Variants in IPCEF1 observed in about 807,000 individuals in gnomAD.
IPCEF1 encodes interaction protein for cytohesin exchange factors 1, also known as interactor protein for cytohesin exchange factors 1.
Under a neutral mutation model 50.9 loss-of-function variants are expected in IPCEF1, and 31 were observed. The ratio of observed to expected loss-of-function variants is 0.61; its 90% CI spans 0.46 to 0.82. The LOEUF (loss-of-function observed/expected upper bound fraction) is 0.82, where lower values mean the gene tolerates loss of function less well. Among genes scored for constraint, IPCEF1 ranks in the 40% least tolerant of loss-of-function variants. The pLI, the probability that IPCEF1 is intolerant of heterozygous loss-of-function variation, is 0.00. For missense variants in IPCEF1, 458 were observed against 514.0 expected, an observed-to-expected ratio of 0.89 and a Z score of 1.05; for synonymous variants, 181 against 192.0, an observed-to-expected ratio of 0.94 and a Z score of 0.47.
intron 10 of IPCEF1, among the ~76,000 whole-genome samples, chr6:154,173,233 A>C (rs1800021365): frequency 6.6e-6 from 1 of 152,236 alleles, no homozygotes. Context: ...GGAAAGGCTG[A>C]AAATTCCAAA....
chr6:154,167,667 A>T lies in IPCEF1; in HGVS notation c.1104+253T>A, dbSNP rs116673486. On this transcript the variant is annotated intron_variant, in intron 11 of 11. Transcript: ENST00000367220. ...GGTCCTTGCTGTCCAGAAGCTTAAA[A>T]TTTGAAATTTTATATCAGAGTGAAT... is the stretch of plus-strand genomic sequence containing the variant. 3.4e-3 allele frequency among the ~76,000 whole-genome samples: 516 copies of T among 152,344 alleles called. 3 individuals are homozygous for T. The highest frequency in any genetic ancestry group is 0.012 in the African/African-American group (492 of 41,574).
chr6:154,303,114 CAG>C (rs71021039), intron 1 of IPCEF1, among the ~76,000 whole-genome samples: 3,684 of 95,074 alleles, frequency 0.039, 84 homozygotes, highest in Non-Finnish European at 0.053. Context: ...TTTTTTTTGA[CAG>C]AGTCTCGCTC....
rs932925588 is a variant in IPCEF1, at chr6:154,167,833, G to A, written c.1104+87C>T. The A allele has an allele frequency of 3.5e-5, 34 of 983,644 alleles. No individual in the cohort carries two copies. The Admixed American group carries it at 7.9e-4, about 23-fold the overall frequency. 60.9% of individuals were successfully genotyped at this position (983,644 alleles called of 1,614,324 possible). The stretch of plus-strand genomic sequence containing the variant: ...CCCTTCCCTGCAACCACACAAACAT[G>A]CTGTGATTAGCAAGAATCTCTCTGC... On this transcript the variant is annotated intron_variant, in intron 11 of 11. Coordinates refer to ENST00000367220, the MANE Select transcript of IPCEF1 (RefSeq NM_001130700.2).
At chr6:154,343,092 G>A (rs552344260) in intron 1 of IPCEF1, among the ~76,000 whole-genome samples, 83 of 152,196 alleles carry the variant, frequency 5.5e-4, no homozygotes, top group Middle Eastern at 3.4e-3. Context: ...CTCCAGCCTC[G>A]GCAAAAGAGC....
intron 1 of IPCEF1, among the ~76,000 whole-genome samples, chr6:154,325,447 G>A (rs11961438): frequency 0.085 from 12,961 of 152,194 alleles, 1,160 homozygotes; most frequent in African/African-American, 0.23. Context: ...AGTAAGAGTA[G>A]ACATCACTTC....
chr6:154,284,406 T>G (rs962261851), intron 2 of IPCEF1, among the ~76,000 whole-genome samples: 1 of 152,224 alleles, frequency 6.6e-6, no homozygotes, highest in Non-Finnish European at 1.5e-5. Context: ...CTATGTCTAG[T>G]TCTCCTCTTC....
chr6:154,340,586 A>G (rs1414579460), intron 1 of IPCEF1, among the ~76,000 whole-genome samples: 4 of 151,828 alleles, frequency 2.6e-5, no homozygotes, highest in Non-Finnish European at 5.9e-5. Context: ...TGAGACATCA[A>G]TTAAAATATG....
chr6:154,319,462 T>C (rs887789502), intron 1 of IPCEF1, among the ~76,000 whole-genome samples: 1 of 152,220 alleles, frequency 6.6e-6, no homozygotes, highest in Middle Eastern at 3.2e-3. Flanking sequence ...TTTTTAAATA[T>C]ATTTGTTCAA....
At chr6:154,260,707 G>A (rs1022485361) in intron 3 of IPCEF1, among the ~76,000 whole-genome samples, 8 of 152,026 alleles carry the variant, frequency 5.3e-5, no homozygotes, top group African/African-American at 1.4e-4. Flanking sequence ...TCCTGACCTC[G>A]TGATCCACCT....
chr6:154,210,693 G>A (rs931015237), intron 9 of IPCEF1, among the ~76,000 whole-genome samples: 20 of 152,202 alleles, frequency 1.3e-4, no homozygotes, highest in African/African-American at 4.3e-4. Context: ...GGATTACACT[G>A]GGGAGAAGCT....
At chr6:154,329,230 G>T (rs1192625901) in intron 1 of IPCEF1, among the ~76,000 whole-genome samples, 1 of 152,052 alleles carries the variant, frequency 6.6e-6, no homozygotes, top group East Asian at 1.9e-4. Flanking sequence ...TGGGCAACAT[G>T]GCAAGACCCT....
chr6:154,305,633 G>A (rs1782912453), intron 1 of IPCEF1, among the ~76,000 whole-genome samples: 1 of 152,196 alleles, frequency 6.6e-6, no homozygotes, highest in South Asian at 2.1e-4. Context: ...GCAAAGTATT[G>A]TTCCTGGGTG....
chr6:154,355,783 C>G (rs1347833097), intron 1 of IPCEF1, among the ~76,000 whole-genome samples: 4 of 151,836 alleles, frequency 2.6e-5, no homozygotes, highest in African/African-American at 4.8e-5. Flanking sequence ...GCCACCGCAC[C>G]CGGCATTCTA....
intron 2 of IPCEF1, among the ~76,000 whole-genome samples, chr6:154,270,015 A>G (rs1371361795): frequency 6.6e-6 from 1 of 152,208 alleles, no homozygotes; most frequent in African/African-American, 2.4e-5. Flanking sequence ...TTTGAAAGTG[A>G]TAACTTTTCA....
chr6:154,246,574 G>A lies in IPCEF1; in HGVS notation c.246+17C>T. 2 of 1,602,116 alleles carry A rather than the reference G, an allele frequency of 1.2e-6. No homozygotes were observed. Among genetic ancestry groups the A allele is most frequent in the Non-Finnish European group, 1.7e-6 (2 of 1,172,578 alleles). On this transcript the variant is annotated intron_variant, in intron 5 of 11. Transcript: ENST00000367220. The stretch of plus-strand genomic sequence containing the variant: ...TCATTAAAACGGCTGGGAATAGGAG[G>A]AAGAAAGCAGACTCACCATTTGATT...
intron 11 of IPCEF1, among the ~76,000 whole-genome samples, chr6:154,162,758 T>C (rs546465174): frequency 1.3e-5 from 2 of 152,338 alleles, no homozygotes; most frequent in African/African-American, 4.8e-5. Flanking sequence ...TCCTATGTGC[T>C]GAGGGTCCCA....
intron 3 of IPCEF1, among the ~76,000 whole-genome samples, chr6:154,264,163 T>G: frequency 6.6e-6 from 1 of 152,078 alleles, no homozygotes; most frequent in Non-Finnish European, 1.5e-5. Context: ...CACCCATCCA[T>G]GCCCATTGGA....
chr6:154,271,933 G>T (rs1461321302), intron 2 of IPCEF1, among the ~76,000 whole-genome samples: 1 of 152,208 alleles, frequency 6.6e-6, no homozygotes, highest in African/African-American at 2.4e-5. Flanking sequence ...TCTGCAATGA[G>T]CTTTGATTGT....
At chr6:154,174,447 A>T (rs1450088018) in intron 10 of IPCEF1, among the ~76,000 whole-genome samples, 10 of 152,178 alleles carry the variant, frequency 6.6e-5, no homozygotes, top group Admixed American at 5.2e-4. Context: ...AGAGACACAC[A>T]CAGGCTCAAA....
Sources: gnomAD v4.1 joint callset for allele counts (sites outside exome capture counted in the v4.1 genomes callset) on GRCh38, gnomAD v4.1.1 for gene constraint, MANE v1.5 for transcripts, NCBI Gene and HGNC (gene_info 2026-07-23, HGNC 2026-07-21) for gene names.